Variants in PEPD observed in about 807,000 individuals in gnomAD.
The protein encoded by PEPD is peptidase D.
PEPD carries 53 observed loss-of-function variants against 60.7 expected under a neutral mutation model. That is an observed-to-expected ratio of 0.87 (90% CI 0.70 to 1.10). The LOEUF (loss-of-function observed/expected upper bound fraction) is 1.10, where lower values mean the gene tolerates loss of function less well. Among genes scored for constraint, PEPD ranks in the 50% least tolerant of loss-of-function variants. PEPD has a pLI of 0.00. For missense variants in PEPD, 711 were observed against 711.9 expected (o/e 1.00, Z 0.01); for synonymous variants, 267 against 284.1 (o/e 0.94, Z 0.60).
intron 7 of PEPD, among the ~76,000 whole-genome samples, chr19:33,469,812 G>A (rs921213982): frequency 6.6e-6 from 1 of 151,946 alleles, no homozygotes; most frequent in Non-Finnish European, 1.5e-5. Flanking sequence ...CAGCTTTTGC[G>A]TTCTATTTTG....
At chr19:33,505,248 A>T (rs989140685) in intron 3 of PEPD, among the ~76,000 whole-genome samples, 4 of 150,754 alleles carry the variant, frequency 2.7e-5, no homozygotes, top group Non-Finnish European at 4.4e-5. Context: ...GCCGACTCTC[A>T]CTCTGCTCTC....
intron 2 of PEPD, chr19:33,511,433 C>G (rs567901387): frequency 6.9e-6 from 3 of 435,784 alleles, no homozygotes; most frequent in African/African-American, 4.0e-5. Flanking sequence ...CACCCCCGGG[C>G]CCACAACAGG....
chr19:33,419,633 T>C (rs1005730), intron 9 of PEPD, among the ~76,000 whole-genome samples: 66,759 of 152,068 alleles, frequency 0.44, 15,078 homozygotes, highest in African/African-American at 0.54. Context: ...GGAACAGTGC[T>C]GACCTCGGGG....
At chr19:33,415,507 C>CA (rs1968872124) in intron 9 of PEPD, among the ~76,000 whole-genome samples, 1 of 152,010 alleles carries the variant, frequency 6.6e-6, no homozygotes, top group Non-Finnish European at 1.5e-5. Flanking sequence ...CCCCAGCTCT[C>CA]AAAAAATCAA....
At chr19:33,393,584 CG>C (rs1968289653) in intron 12 of PEPD, among the ~76,000 whole-genome samples, 3 of 148,176 alleles carry the variant, frequency 2.0e-5, no homozygotes, top group Admixed American at 6.6e-5. Flanking sequence ...AGGCAGGCCC[CG>C]GGGGGTTGCT....
intron 4 of PEPD, among the ~76,000 whole-genome samples, chr19:33,499,748 T>C (rs1296019548): frequency 6.6e-6 from 1 of 152,038 alleles, no homozygotes; most frequent in Non-Finnish European, 1.5e-5. Context: ...GACAGAGAAA[T>C]GGAAAACATA....
intron 7 of PEPD, 80 bp from the exon 8 acceptor site, chr19:33,464,142 G>A: frequency 1.0e-6 from 1 of 993,386 alleles, no homozygotes; most frequent in Admixed American, 1.9e-5. Context: ...AGAGCTCAGG[G>A]CCTACCACAC....
intron 2 of PEPD, chr19:33,511,424 A>C (rs1397040464): frequency 1.8e-5 from 8 of 435,018 alleles, no homozygotes; most frequent in East Asian, 9.6e-5. Flanking sequence ...CTGTATCCCC[A>C]CCCCCGGGCC....
chr19:33,424,301 C>T (rs1191841959), intron 9 of PEPD, among the ~76,000 whole-genome samples: 2 of 152,232 alleles, frequency 1.3e-5, no homozygotes, highest in Non-Finnish European at 2.9e-5. Context: ...ATTCAAAGCT[C>T]GCAGTACCCG....
intron 7 of PEPD, among the ~76,000 whole-genome samples, chr19:33,476,624 C>T (rs752159928): frequency 6.6e-6 from 1 of 152,178 alleles, no homozygotes; most frequent in Non-Finnish European, 1.5e-5. Flanking sequence ...ACTTGCCCTA[C>T]AGCTGGGTCT....
intron 9 of PEPD, among the ~76,000 whole-genome samples, chr19:33,419,078 C>CCCA (rs1190945473): frequency 3.3e-5 from 5 of 152,184 alleles, no homozygotes; most frequent in African/African-American, 7.2e-5. Context: ...CCAGTCCTGG[C>CCCA]CCACAGACAG....
At chr19:33,484,935 C>T (rs1252042147) in intron 6 of PEPD, among the ~76,000 whole-genome samples, 1 of 152,180 alleles carries the variant, frequency 6.6e-6, no homozygotes, top group Non-Finnish European at 1.5e-5. Flanking sequence ...ATGTATTAAT[C>T]GTGTAAAAGT....
intron 1 of PEPD, among the ~76,000 whole-genome samples, chr19:33,515,468 A>G (rs990715372): frequency 3.3e-5 from 5 of 152,074 alleles, no homozygotes; most frequent in African/African-American, 1.2e-4. Context: ...GAAGTCGGTG[A>G]GAGTTCGTAA....
chr19:33,490,672 A>G (rs1486772398), intron 5 of PEPD, among the ~76,000 whole-genome samples: 2 of 150,958 alleles, frequency 1.3e-5, no homozygotes, highest in Non-Finnish European at 3.0e-5. Flanking sequence ...TATTTTACTT[A>G]TTTTTTTTTG....
rs1333082461 is a variant in PEPD at position 33,393,255 on chromosome 19, C to G, written c.968-1776G>C. 9.8e-5 allele frequency among the ~76,000 whole-genome samples: 9 copies of G among 92,300 alleles called. No individual in the cohort carries two copies. In the South Asian group the frequency reaches 3.6e-3, roughly 37 times the overall value. The allele number at this position is 92,300 out of a possible 152,430, so 60.6% of individuals were successfully genotyped here. A position where few individuals can be genotyped will look rare whatever the true frequency, so the allele number is the denominator to read the frequency against. On this transcript the variant is annotated intron_variant, in intron 12 of 14. Coordinates refer to ENST00000244137, the MANE Select transcript of PEPD (RefSeq NM_000285.4). The stretch of plus-strand genomic sequence containing the variant: ...CCGGGGTCTGGGGTCTGGGGTCTGG[C>G]GTGGGGGAGGGCCCGGGGTCTGGGG...
chr19:33,479,950 G>A (rs1480341017), intron 6 of PEPD, among the ~76,000 whole-genome samples: 1 of 152,186 alleles, frequency 6.6e-6, no homozygotes, highest in Non-Finnish European at 1.5e-5. Flanking sequence ...GGATTGCTGG[G>A]TTGAATGGTA....
intron 13 of PEPD, among the ~76,000 whole-genome samples, chr19:33,389,280 C>G (rs1968156505): frequency 6.6e-6 from 1 of 152,224 alleles, no homozygotes; most frequent in Non-Finnish European, 1.5e-5. Flanking sequence ...GGCCCCGGCC[C>G]CACAACACTT....
chr19:33,496,948 G>A (rs1055026953), intron 4 of PEPD, among the ~76,000 whole-genome samples: 3 of 152,276 alleles, frequency 2.0e-5, no homozygotes, highest in African/African-American at 4.8e-5. Context: ...GCCTTTGCCA[G>A]CGCTGGGAAA....
Position 33,387,277 on chromosome 19 carries a change from A to T in PEPD, c.*67T>A. The T allele has an allele frequency of 6.3e-7, 1 of 1,590,786 alleles. No individual in the cohort carries two copies. The highest frequency in any genetic ancestry group is 8.6e-7 in the Non-Finnish European group (1 of 1,163,148). On this transcript the variant is annotated 3_prime_UTR_variant, in exon 15 of 15. Coordinates refer to ENST00000244137, the MANE Select transcript of PEPD (RefSeq NM_000285.4). ...TCTCGCTACTGGAGTGCTGACCAGC[A>T]GGCTGCCCATCACGAAAAGAGGTTG...
Sources: gnomAD v4.1 joint callset for allele counts (sites outside exome capture counted in the v4.1 genomes callset) on GRCh38, gnomAD v4.1.1 for gene constraint, MANE v1.5 for transcripts, NCBI Gene and HGNC (gene_info 2026-07-23, HGNC 2026-07-21) for gene names.